Variants in RBFOX1 observed in about 807,000 individuals in gnomAD.
RBFOX1 encodes RNA binding protein fox-1 homolog 1.
RBFOX1 carries 8 observed loss-of-function variants against 57.7 expected under a neutral mutation model. The ratio of observed to expected loss-of-function variants is 0.14; its 90% confidence interval spans 0.08 to 0.25. The LOEUF (loss-of-function observed/expected upper bound fraction) is 0.25. Among genes scored for constraint, RBFOX1 ranks in the 10% least tolerant of loss-of-function variants. The pLI, the probability that RBFOX1 is intolerant of heterozygous loss-of-function variation, is 1.00. For missense variants in RBFOX1, 611 were observed against 548.5 expected, an observed-to-expected ratio of 1.11 and a Z score of -1.14; for synonymous variants, 326 against 222.4, an observed-to-expected ratio of 1.47 and a Z score of -4.15.
intron 4 of RBFOX1, among the ~76,000 whole-genome samples, chr16:7,492,094 C>G (rs1041174276): frequency 1.3e-5 from 2 of 152,126 alleles, no homozygotes; most frequent in Non-Finnish European, 2.9e-5. Context: ...ATTAAATTTA[C>G]CATGCCAAAA....
At chr16:7,160,831 C>T (rs1567514885) in intron 4 of RBFOX1, among the ~76,000 whole-genome samples, 1 of 140,940 alleles carries the variant, frequency 7.1e-6, no homozygotes, top group African/African-American at 3.0e-5. Context: ...CCTCCTCCCT[C>T]CTCCTTCCTC....
At chr16:7,011,373 G>A (rs1183195198) in intron 3 of RBFOX1, among the ~76,000 whole-genome samples, 4 of 152,198 alleles carry the variant, frequency 2.6e-5, no homozygotes. Context: ...AAGAGTGCAA[G>A]TGTGGCAGAT....
chr16:6,849,026 A>G (rs1400790949), intron 3 of RBFOX1, among the ~76,000 whole-genome samples: 7 of 152,210 alleles, frequency 4.6e-5, no homozygotes, highest in Admixed American at 4.6e-4. Flanking sequence ...ACCATTGGCC[A>G]GGCTTACGTG....
chr16:6,602,040 C>G (rs1220060837), intron 2 of RBFOX1, among the ~76,000 whole-genome samples: 1 of 152,132 alleles, frequency 6.6e-6, no homozygotes, highest in Non-Finnish European at 1.5e-5. Flanking sequence ...GGTAGGAGAA[C>G]AAAGGCGTCC....
chr16:5,616,810 C>G (rs1323988565), intron 3 of RBFOX1, among the ~76,000 whole-genome samples: 1 of 149,768 alleles, frequency 6.7e-6, no homozygotes, highest in Non-Finnish European at 1.5e-5. Flanking sequence ...TCTCTTCCCC[C>G]TCCTCCATCC....
chr16:5,474,612 C>G (rs1323133752), intron 2 of RBFOX1, among the ~76,000 whole-genome samples: 1 of 152,008 alleles, frequency 6.6e-6, no homozygotes, highest in Non-Finnish European at 1.5e-5. Flanking sequence ...TGAGATCGCG[C>G]CATTGCACTC....
intron 4 of RBFOX1, among the ~76,000 whole-genome samples, chr16:7,273,164 T>C: frequency 9.0e-6 from 1 of 110,734 alleles, no homozygotes; most frequent in Non-Finnish European, 1.9e-5. Context: ...CTTCCTTCTT[T>C]CCTCTCTCCC....
intron 4 of RBFOX1, among the ~76,000 whole-genome samples, chr16:7,213,244 C>A (rs528964860): frequency 2.0e-5 from 3 of 152,160 alleles, no homozygotes; most frequent in South Asian, 4.2e-4. Context: ...TCAGTTTTTC[C>A]CCCTTTATCA....
intron 4 of RBFOX1, among the ~76,000 whole-genome samples, chr16:7,080,546 C>G (rs1466429918): frequency 6.6e-6 from 1 of 152,168 alleles, no homozygotes; most frequent in Non-Finnish European, 1.5e-5. Flanking sequence ...CCTGTAGTCA[C>G]TTAAGCTCTC....
intron 3 of RBFOX1, among the ~76,000 whole-genome samples, chr16:5,814,941 G>C (rs1014873685): frequency 6.8e-6 from 1 of 146,570 alleles, no homozygotes; most frequent in Non-Finnish European, 1.5e-5. Flanking sequence ...GTCTCAAAAA[G>C]AAAAAAAAGA....
intron 3 of RBFOX1, among the ~76,000 whole-genome samples, chr16:5,640,468 A>G (rs1022871735): frequency 1.7e-4 from 26 of 151,810 alleles, no homozygotes; most frequent in African/African-American, 6.1e-4. Flanking sequence ...GCACACACAC[A>G]TGTACACCAT....
At chr16:6,678,983 C>G (rs760611845) in intron 3 of RBFOX1, among the ~76,000 whole-genome samples, 6 of 152,144 alleles carry the variant, frequency 3.9e-5, no homozygotes, top group Admixed American at 2.0e-4. Context: ...TAATTTCTTT[C>G]TCAAATCCAT....
At chr16:6,371,397 A>C (rs1026744005) in intron 2 of RBFOX1, among the ~76,000 whole-genome samples, 1 of 152,178 alleles carries the variant, frequency 6.6e-6, no homozygotes, top group African/African-American at 2.4e-5. Flanking sequence ...TTCAGTATAA[A>C]GTCATGGATT....
intron 3 of RBFOX1, among the ~76,000 whole-genome samples, chr16:7,042,756 T>A (rs545091733): frequency 2.3e-4 from 35 of 152,182 alleles, no homozygotes; most frequent in African/African-American, 7.7e-4. Flanking sequence ...CAAAACTCCA[T>A]CTCTGCTACA....
At chr16:6,344,040 C>G (rs909306537) in intron 2 of RBFOX1, among the ~76,000 whole-genome samples, 1 of 152,018 alleles carries the variant, frequency 6.6e-6, no homozygotes, top group Non-Finnish European at 1.5e-5. Flanking sequence ...ATCAGTCCTT[C>G]TTCATCTCTA....
At chr16:7,569,030 GA>G (rs1166043573) in intron 5 of RBFOX1, among the ~76,000 whole-genome samples, 7 of 151,980 alleles carry the variant, frequency 4.6e-5, no homozygotes, top group Non-Finnish European at 1.0e-4. Flanking sequence ...TTGTCCTAGG[GA>G]AGACTTTCTT....
In RBFOX1 at chr16:6,460,669, A is replaced by G. The variant is rs147608393; in HGVS notation, c.-64+143612A>G. ...AGTGGGAATGTAAATTCATTCAACC[A>G]TTGTGGAAGACAGTGTGGTGATTCC... On this transcript the variant is annotated intron_variant, in intron 2 of 15. Coordinates refer to ENST00000550418, the MANE Select transcript of RBFOX1 (RefSeq NM_018723.4). 3.0e-3 allele frequency among the ~76,000 whole-genome samples: 452 copies of G among 152,326 alleles called. 1 individual carries two copies. Among genetic ancestry groups the G allele is most frequent in the African/African-American group, 0.011 (442 of 41,578 alleles).
At chr16:6,374,776 C>T (rs1367871787) in intron 2 of RBFOX1, among the ~76,000 whole-genome samples, 1 of 152,176 alleles carries the variant, frequency 6.6e-6, no homozygotes, top group East Asian at 1.9e-4. Flanking sequence ...TGAAGGCAAT[C>T]TGAATTATAA....
intron 3 of RBFOX1, among the ~76,000 whole-genome samples, chr16:6,905,635 TC>T (rs1206424778): frequency 6.6e-6 from 1 of 151,996 alleles, no homozygotes; most frequent in East Asian, 1.9e-4. Flanking sequence ...ATTCCAATTT[TC>T]CCCGTTTAGC....
Sources: allele counts gnomAD v4.1 joint callset (sites outside exome capture counted in the v4.1 genomes callset), GRCh38; gene constraint gnomAD v4.1.1; transcripts MANE v1.5; gene names NCBI Gene and HGNC (gene_info 2026-07-23, HGNC 2026-07-21).